ZNF536: variants seen among roughly 807,000 people sequenced by gnomAD.
The protein encoded by ZNF536 is zinc finger protein 536.
Under a neutral mutation model 84.5 loss-of-function variants are expected in ZNF536, and 13 were observed. The ratio of observed to expected loss-of-function variants is 0.15; its 90% CI spans 0.10 to 0.24. The LOEUF (loss-of-function observed/expected upper bound fraction) is 0.24, where lower values mean the gene tolerates loss of function less well. Among genes scored for constraint, ZNF536 ranks in the 10% least tolerant of loss-of-function variants. ZNF536 has a pLI of 1.00. For synonymous variants in ZNF536, 811 were observed against 742.5 expected, an observed-to-expected ratio of 1.09 and a Z score of -1.50; for missense variants, 1,536 against 1,747.5, an observed-to-expected ratio of 0.88 and a Z score of 2.16.
chr19:30,259,454 C>T (rs1053569099), intron 1 of ZNF536, among the ~76,000 whole-genome samples: 1 of 152,196 alleles, frequency 6.6e-6, no homozygotes, highest in African/African-American at 2.4e-5. Flanking sequence ...ATGCAAATCC[C>T]GGGCCTCACC....
rs71173904 is a variant in ZNF536, at chr19:30,417,148, A to ATTTTTTTTTTTTTTT, written c.-2-26399_-2-26385dup. 2.0e-4 allele frequency among the ~76,000 whole-genome samples: 20 copies of ATTTTTTTTTTTTTTT among 100,234 alleles called. 1 individual carries two copies. Among genetic ancestry groups the ATTTTTTTTTTTTTTT allele is most frequent in the East Asian group, 1.1e-3 (4 of 3,506 alleles). 65.8% of individuals were successfully genotyped at this position (100,234 alleles called of 152,430 possible). ...GCCACCACGCCAGGCTAATTTTTGT[A>ATTTTTTTTTTTTTTT]TTTTTTTTTTTTTTTTTTTTTTTTT... On this transcript the variant is annotated intron_variant, in intron 1 of 4. Transcript: ENST00000355537.
rs765735916 is a variant in ZNF536 at position 30,531,804 on chromosome 19, T to C, written c.2171-3043T>C. Among the ~76,000 whole-genome samples, 76 of 152,208 alleles carry C rather than the reference T, an allele frequency of 5.0e-4. 1 individual carries two copies. The highest frequency in any genetic ancestry group is 6.8e-3 in the Middle Eastern group (2 of 294). On this transcript the variant is annotated intron_variant, in intron 2 of 4. Coordinates refer to ENST00000355537, the MANE Select transcript of ZNF536 (RefSeq NM_014717.3). ...CACACCCAGCTAATTTTTGTATTTT[T>C]AGTTTTGCCATGGTTTTGCCATGTT...
chr19:30,594,418 C>T (rs1361708236), intron 1 of ZNF536, among the ~76,000 whole-genome samples: 2 of 152,188 alleles, frequency 1.3e-5, no homozygotes, highest in African/African-American at 4.8e-5. Context: ...CTCCCCTCTT[C>T]TTTCCCTCCT....
chr19:30,280,142 T>C (rs1223811323), intron 1 of ZNF536, among the ~76,000 whole-genome samples: 1 of 152,012 alleles, frequency 6.6e-6, no homozygotes, highest in South Asian at 2.1e-4. Context: ...TGCACTTTCA[T>C]CCTTCCATCC....
At chr19:30,277,341 G>T (rs1318831834) in intron 1 of ZNF536, among the ~76,000 whole-genome samples, 1 of 152,128 alleles carries the variant, frequency 6.6e-6, no homozygotes, top group Non-Finnish European at 1.5e-5. Flanking sequence ...CAGGCGAGCT[G>T]ATGAGAGGAA....
At chr19:30,249,054 T>C (rs1435242870) in intron 1 of ZNF536, among the ~76,000 whole-genome samples, 1 of 152,190 alleles carries the variant, frequency 6.6e-6, no homozygotes, top group Non-Finnish European at 1.5e-5. Flanking sequence ...GATTTGATCT[T>C]AAAGGATGCC....
chr19:30,458,447 G>GTTTTTTTTTTTTT lies in ZNF536; in HGVS notation c.2170+12726_2170+12738dup, dbSNP rs3084731. Among the ~76,000 whole-genome samples the GTTTTTTTTTTTTT allele has an allele frequency of 4.4e-4, 37 of 83,490 alleles. 6 individuals carry two copies. Among genetic ancestry groups the GTTTTTTTTTTTTT allele is most frequent in the African/African-American group, 2.0e-3 (36 of 17,926 alleles). 54.8% of individuals were successfully genotyped at this position (83,490 alleles called of 152,430 possible). ...CCAAGTATTTCCTCAATTTCCTGCTGTTTTTTTTTTTTTTTTTTTTTTTGA... is the reference window on the plus strand; with the variant it reads ...CCAAGTATTTCCTCAATTTCCTGCTGTTTTTTTTTTTTTTTTTTTTTTTTTTTTTTTTTTTTGA... On this transcript the variant is annotated intron_variant, in intron 2 of 4. Transcript: ENST00000355537.
chr19:30,657,244 C>T (rs1051321366), intron 1 of ZNF536, among the ~76,000 whole-genome samples: 5 of 152,224 alleles, frequency 3.3e-5, no homozygotes, highest in African/African-American at 9.6e-5. Context: ...TAAGCTGGAA[C>T]GTGATGTCCT....
At chr19:30,533,971 C>T (rs1444343299) in intron 2 of ZNF536, among the ~76,000 whole-genome samples, 1 of 152,238 alleles carries the variant, frequency 6.6e-6, no homozygotes, top group African/African-American at 2.4e-5. Context: ...AATAACATAT[C>T]CTCCAACCAC....
chr19:30,518,983 C>A (rs573818728), intron 2 of ZNF536, among the ~76,000 whole-genome samples: 2 of 152,302 alleles, frequency 1.3e-5, no homozygotes, highest in South Asian at 2.1e-4. Context: ...TCTGGTGGTG[C>A]GTGCAGAGCA....
At chr19:30,410,116 T>G (rs142266674) in intron 1 of ZNF536, among the ~76,000 whole-genome samples, 1 of 152,200 alleles carries the variant, frequency 6.6e-6, no homozygotes, top group Admixed American at 6.5e-5. Context: ...ATTTAAGTGA[T>G]TAAATCTTTT....
At chr19:30,382,543 T>C (rs1313996356) in intron 1 of ZNF536, among the ~76,000 whole-genome samples, 1 of 151,136 alleles carries the variant, frequency 6.6e-6, no homozygotes, top group Non-Finnish European at 1.5e-5. Context: ...TAAGCATTCT[T>C]TTGGTGGATG....
downstream of ZNF536, among the ~76,000 whole-genome samples, chr19:30,562,168 G>C (rs7255104): frequency 1.3e-5 from 2 of 152,056 alleles, no homozygotes; most frequent in Non-Finnish European, 2.9e-5. Context: ...TGTCTGCTCC[G>C]GACCCTCTTA....
In ZNF536 at chr19:30,443,745, C is replaced by T. The variant is rs761702298; in HGVS notation, c.183C>T (p.Pro61=). Residue 61 remains proline, a synonymous_variant, in exon 2 of 5, where the codon CCC becomes CCT. Coordinates refer to ENST00000355537, the MANE Select transcript of ZNF536 (RefSeq NM_014717.3). ...HPRPNPEEKP[P]ASLEEKAHVP... is the part of the protein sequence containing the mutation. ...GGCCCAACCCCGAGGAGAAGCCCCC[C>T]GCATCCCTGGAGGAGAAGGCCCACG... 3.7e-6 allele frequency: 6 copies of T among 1,612,868 alleles called. No individual in the cohort carries two copies. Among genetic ancestry groups the T allele is most frequent in the East Asian group, 2.2e-5 (1 of 44,876 alleles).
intron 2 of ZNF536, among the ~76,000 whole-genome samples, chr19:30,481,680 T>C (rs1015480011): frequency 6.6e-6 from 1 of 152,226 alleles, no homozygotes; most frequent in African/African-American, 2.4e-5. Context: ...TTATTTTCAT[T>C]TTTTATTTCT....
intron 2 of ZNF536, among the ~76,000 whole-genome samples, chr19:30,326,611 ACGTATGTG>A (rs1474398864): frequency 6.6e-6 from 1 of 151,724 alleles, no homozygotes; most frequent in Non-Finnish European, 1.5e-5. Flanking sequence ...GGAAATGAAA[ACGTATGTG>A]AAGCGCCCAG....
chr19:30,315,950 A>T (rs2046664062), intron 2 of ZNF536, among the ~76,000 whole-genome samples: 1 of 152,196 alleles, frequency 6.6e-6, no homozygotes, highest in South Asian at 2.1e-4. Context: ...CATCAGATAC[A>T]TAGGAGGTGC....
chr19:30,303,535 C>T (rs1208667956), intron 2 of ZNF536, among the ~76,000 whole-genome samples: 6 of 151,102 alleles, frequency 4.0e-5, no homozygotes, highest in Non-Finnish European at 8.8e-5. Context: ...TGGAGTCTTG[C>T]TCTGTTGCCC....
At chr19:30,434,891 G>A (rs1312603181) in intron 1 of ZNF536, among the ~76,000 whole-genome samples, 1 of 135,604 alleles carries the variant, frequency 7.4e-6, no homozygotes, top group South Asian at 2.4e-4. Context: ...TAGTGATGAT[G>A]CTGCTGATGA....
Sources: gnomAD v4.1 joint callset for allele counts (sites outside exome capture counted in the v4.1 genomes callset) on GRCh38, gnomAD v4.1.1 for gene constraint, MANE v1.5 for transcripts, NCBI Gene and HGNC (gene_info 2026-07-23, HGNC 2026-07-21) for gene names.